GRM1: variants seen among roughly 807,000 people sequenced by gnomAD.
The protein encoded by GRM1 is glutamate metabotropic receptor 1.
In GRM1, 33 loss-of-function variants were observed where a neutral mutation model predicts 90.9. The observed-to-expected ratio is 0.36, with a 90% CI of 0.28 to 0.49. The LOEUF is 0.49. GRM1 is among the 20% of genes least tolerant of loss of function. The probability of loss-of-function intolerance (pLI) is 0.99; values close to 1 mark genes in which losing one functional copy is unlikely to be tolerated. For synonymous variants in GRM1, 700 were observed against 613.2 expected, an observed-to-expected ratio of 1.14 and a Z score of -2.09; for missense variants, 1,190 against 1,534.3, an observed-to-expected ratio of 0.78 and a Z score of 3.75.
At chr6:146,222,919 G>C (rs778470099) in intron 2 of GRM1, among the ~76,000 whole-genome samples, 12 of 152,080 alleles carry the variant, frequency 7.9e-5, no homozygotes, top group Non-Finnish European at 1.6e-4. Flanking sequence ...GGTGTTGAAG[G>C]CAGGTAAGAG....
At chr6:146,167,555 T>C (rs1157457857) in intron 2 of GRM1, among the ~76,000 whole-genome samples, 1 of 152,170 alleles carries the variant, frequency 6.6e-6, no homozygotes, top group Non-Finnish European at 1.5e-5. Context: ...CAAAATAGTA[T>C]TGTCAGTCTT....
chr6:146,120,000 G>C (rs1255422675), intron 1 of GRM1, among the ~76,000 whole-genome samples: 1 of 152,112 alleles, frequency 6.6e-6, no homozygotes, highest in African/African-American at 2.4e-5. Flanking sequence ...AGCATCATGG[G>C]GATAGCATTG....
At chr6:146,138,866 T>C (rs1776728832) in intron 1 of GRM1, among the ~76,000 whole-genome samples, 1 of 152,108 alleles carries the variant, frequency 6.6e-6, no homozygotes, top group African/African-American at 2.4e-5. Context: ...CTTCTACTAA[T>C]TTGCGGTTTG....
intron 1 of GRM1, among the ~76,000 whole-genome samples, chr6:146,145,070 AG>A (rs1777035386): frequency 6.6e-6 from 1 of 152,264 alleles, no homozygotes; most frequent in African/African-American, 2.4e-5. Flanking sequence ...GCAAAACGGA[AG>A]AAGCTGCATG....
intron 2 of GRM1, among the ~76,000 whole-genome samples, chr6:146,285,811 C>T (rs935020464): frequency 2.0e-5 from 3 of 152,086 alleles, no homozygotes; most frequent in Non-Finnish European, 2.9e-5. Flanking sequence ...ATTTCATGTT[C>T]GCTCCTCTGC....
At chr6:146,272,901 A>G (rs557598302) in intron 2 of GRM1, among the ~76,000 whole-genome samples, 1 of 152,302 alleles carries the variant, frequency 6.6e-6, no homozygotes, top group Non-Finnish European at 1.5e-5. Flanking sequence ...AAAATAAGCA[A>G]TCAGGAGCTC....
chr6:146,434,226 C>G lies in GRM1; in HGVS notation c.3015C>G (p.Ala1005=), dbSNP rs1202485484. 1 of 1,606,050 alleles carries G rather than the reference C, an allele frequency of 6.2e-7. No homozygotes were observed. Among genetic ancestry groups the G allele is most frequent in the South Asian group, 1.1e-5 (1 of 90,340 alleles). ...LTAEETPLFL[A]EPALPKGLPP... ...CAGAGGAGACCCCCCTCTTCCTGGC[C>G]GAACCAGCCCTCCCCAAGGGCTTGC... The change falls in exon 8 of 8, where the codon GCC becomes GCG. Residue 1005 remains alanine (A), a synonymous_variant. Transcript: ENST00000282753.
intron 3 of GRM1, among the ~76,000 whole-genome samples, chr6:146,312,652 T>C (rs952858033): frequency 2.0e-5 from 3 of 152,230 alleles, no homozygotes; most frequent in African/African-American, 7.2e-5. Context: ...GAAAGATCTA[T>C]TGAACAATGC....
chr6:146,384,724 G>A (rs1318552055), intron 5 of GRM1, among the ~76,000 whole-genome samples: 6 of 151,816 alleles, frequency 4.0e-5, no homozygotes, highest in African/African-American at 7.3e-5. Context: ...AGTCAAGGGC[G>A]TTAAAACACA....
chr6:146,224,518 A>G (rs1420512086), intron 2 of GRM1, among the ~76,000 whole-genome samples: 1 of 152,168 alleles, frequency 6.6e-6, no homozygotes, highest in African/African-American at 2.4e-5. Context: ...AACTTGCATT[A>G]AAGAGTAATT....
chr6:146,221,419 C>A (rs892531758), intron 2 of GRM1, among the ~76,000 whole-genome samples: 5 of 152,098 alleles, frequency 3.3e-5, no homozygotes, highest in Non-Finnish European at 7.4e-5. Context: ...TTGTTCAAAT[C>A]CCACTTATGA....
At chr6:146,299,160 C>T (rs1237084351) in intron 2 of GRM1, among the ~76,000 whole-genome samples, 1 of 152,138 alleles carries the variant, frequency 6.6e-6, no homozygotes, top group Admixed American at 6.6e-5. Flanking sequence ...GCACTTGATA[C>T]TTTTCCTGGC....
At position 146,414,858 on chromosome 6, in the gene GRM1, C is replaced by T. The variant is rs546515692; in HGVS notation, c.2660+15159C>T. Reference sequence around the variant, plus strand: ...TGATGAAGTCCAATTGATAAATTTTCCTTTTACAGTTAGTGCATAGTTCAG... The same window carrying T: ...TGATGAAGTCCAATTGATAAATTTTTCTTTTACAGTTAGTGCATAGTTCAG... On this transcript the variant is annotated intron_variant, in intron 7 of 7. Transcript: ENST00000282753. 7.9e-5 allele frequency among the ~76,000 whole-genome samples: 12 copies of T among 152,246 alleles called. No homozygotes were observed. The South Asian group carries it at 2.5e-3, about 32-fold the overall frequency.
In GRM1 at chr6:146,426,753, G is replaced by A. The variant is rs146428241; in HGVS notation, c.2661-7119G>A. 87 of 649,160 alleles carry A rather than the reference G, an allele frequency of 1.3e-4. 1 individual carries two copies. Among genetic ancestry groups the A allele is most frequent in the Middle Eastern group, 1.2e-3 (5 of 4,028 alleles). 40.2% of individuals were successfully genotyped at this position (649,160 alleles called of 1,614,324 possible). A position where few individuals can be genotyped will look rare whatever the true frequency, so the allele number is the denominator to read the frequency against. On this transcript the variant is annotated intron_variant, in intron 7 of 7. Coordinates refer to ENST00000282753, the MANE Select transcript of GRM1 (RefSeq NM_001278064.2). The stretch of plus-strand genomic sequence containing the variant: ...ATGTGGTGCATGCCATCAGAATGAA[G>A]AATTCATTTACGTGCCATGGTTTGC...
rs186798345 is a variant in GRM1, at chr6:146,085,211, T to G, written c.700+54994T>G. Among the ~76,000 whole-genome samples the G allele has an allele frequency of 3.9e-5, 6 of 152,174 alleles. No individual in the cohort carries two copies. In the East Asian group the frequency reaches 9.6e-4, roughly 24 times the overall value. ...ACATAACAATAAAAATATCATAATATTTTTAAATACAATAGTGCATGTTTA... is the reference window on the plus strand; with the variant it reads ...ACATAACAATAAAAATATCATAATAGTTTTAAATACAATAGTGCATGTTTA... On this transcript the variant is annotated intron_variant, in intron 1 of 7. Coordinates refer to ENST00000282753, the MANE Select transcript of GRM1 (RefSeq NM_001278064.2).
Position 146,391,025 on chromosome 6 carries a change from C to A in GRM1, c.1729+4009C>A, listed in dbSNP as rs362921. ...ATTGATTTTAAAACAATCAGGGAAG[C>A]ATTTTGATGAAGGTTTATATGATCA... is the stretch of plus-strand genomic sequence containing the variant. On this transcript the variant is annotated intron_variant, in intron 6 of 7. Transcript: ENST00000282753. 0.013 allele frequency among the ~76,000 whole-genome samples: 1,949 copies of A among 152,100 alleles called. 77 individuals carry two copies. In the East Asian group the frequency reaches 0.15, roughly 12 times the overall value.
intron 1 of GRM1, 33 bp from the exon 2 acceptor site, chr6:146,159,315 T>C: frequency 1.2e-6 from 2 of 1,613,772 alleles, no homozygotes; most frequent in Non-Finnish European, 1.7e-6. Flanking sequence ...TTGCCACAGT[T>C]GTCTTGAACA....
chr6:146,046,582 C>T lies in GRM1; in HGVS notation c.700+16365C>T, dbSNP rs1011504464. Among the ~76,000 whole-genome samples the T allele has an allele frequency of 3.9e-5, 6 of 152,060 alleles. No individual in the cohort carries two copies. In the South Asian group the frequency reaches 6.2e-4, roughly 16 times the overall value. On this transcript the variant is annotated intron_variant, in intron 1 of 7. Transcript: ENST00000282753. The stretch of plus-strand genomic sequence containing the variant: ...TGAAGGGTAACCCTCATATTTATAT[C>T]AGTAAGCCAGCAAGTTAGTCAATTT...
intron 2 of GRM1, among the ~76,000 whole-genome samples, chr6:146,187,738 CATAT>C (rs10656760): frequency 6.7e-6 from 1 of 148,518 alleles, no homozygotes; most frequent in East Asian, 2.0e-4. Flanking sequence ...AGGCACAAAA[CATAT>C]ATATATATAT....
Sources: gnomAD v4.1 joint callset for allele counts (sites outside exome capture counted in the v4.1 genomes callset) on GRCh38, gnomAD v4.1.1 for gene constraint, MANE v1.5 for transcripts, NCBI Gene and HGNC (gene_info 2026-07-23, HGNC 2026-07-21) for gene names.